The following ASIC2 variants were observed in gnomAD, a reference collection of about 807,000 sequenced individuals.
ASIC2 encodes acid-sensing ion channel 2.
In ASIC2, 25 loss-of-function variants were observed where a neutral mutation model predicts 57.3. That is an observed-to-expected ratio of 0.44 (90% confidence interval 0.32 to 0.61). The LOEUF (loss-of-function observed/expected upper bound fraction) is 0.61, where lower values mean the gene tolerates loss of function less well. Among genes scored for constraint, ASIC2 ranks in the 20% least tolerant of loss-of-function variants. The probability of loss-of-function intolerance (pLI) is 0.06; values close to 1 mark genes in which losing one functional copy is unlikely to be tolerated. For synonymous variants in ASIC2, 319 were observed against 307.5 expected (o/e 1.04, Z -0.39); for missense variants, 641 against 738.1 (o/e 0.87, Z 1.52).
chr17:33,079,073 C>T (rs1270514636), intron 3 of ASIC2, among the ~76,000 whole-genome samples: 1 of 152,114 alleles, frequency 6.6e-6, no homozygotes, highest in Non-Finnish European at 1.5e-5. Flanking sequence ...CTCAAGCAGG[C>T]TGTGACATGA....
At chr17:33,335,966 T>C (rs1907498928) in intron 1 of ASIC2, among the ~76,000 whole-genome samples, 1 of 151,976 alleles carries the variant, frequency 6.6e-6, no homozygotes, top group South Asian at 2.1e-4. Flanking sequence ...GATATTTGAG[T>C]CTCCATGCTT....
At chr17:33,541,026 T>C (rs1597775074) in intron 1 of ASIC2, among the ~76,000 whole-genome samples, 1 of 152,196 alleles carries the variant, frequency 6.6e-6, no homozygotes, top group Non-Finnish European at 1.5e-5. Context: ...CTGTGTCTTA[T>C]GTGGTTTACA....
intron 1 of ASIC2, among the ~76,000 whole-genome samples, chr17:34,092,907 G>A (rs1303972014): frequency 5.3e-5 from 8 of 151,922 alleles, no homozygotes; most frequent in South Asian, 4.2e-4. Flanking sequence ...ACAACATATC[G>A]AATTGTTTTG....
At chr17:33,540,590 T>C (rs1434550575) in intron 1 of ASIC2, among the ~76,000 whole-genome samples, 2 of 152,094 alleles carry the variant, frequency 1.3e-5, no homozygotes, top group African/African-American at 4.8e-5. Context: ...GAGTGACCCA[T>C]TTTCGCTGCC....
chr17:33,320,247 T>C (rs188623817), intron 1 of ASIC2, among the ~76,000 whole-genome samples: 32 of 152,346 alleles, frequency 2.1e-4, no homozygotes, highest in African/African-American at 6.7e-4. Context: ...AATTTTGAGG[T>C]ATTTTTTTAA....
chr17:33,710,413 G>A (rs1472428092), intron 1 of ASIC2, among the ~76,000 whole-genome samples: 1 of 152,202 alleles, frequency 6.6e-6, no homozygotes, highest in Non-Finnish European at 1.5e-5. Context: ...GGATAATGGA[G>A]GAAACAGGTC....
chr17:33,618,293 A>C (rs895478927), intron 1 of ASIC2, among the ~76,000 whole-genome samples: 22 of 151,810 alleles, frequency 1.4e-4, no homozygotes, highest in African/African-American at 5.1e-4. Context: ...GGCTCAAACT[A>C]TCCTCCTGCC....
intron 1 of ASIC2, among the ~76,000 whole-genome samples, chr17:33,266,020 G>A (rs373655464): frequency 1.6e-4 from 25 of 152,036 alleles, no homozygotes; most frequent in Admixed American, 5.9e-4. Flanking sequence ...CCTTGAACAC[G>A]TCCAGTTCCT....
intron 3 of ASIC2, among the ~76,000 whole-genome samples, chr17:33,081,035 G>T (rs776474035): frequency 5.9e-5 from 9 of 152,182 alleles, no homozygotes; most frequent in Non-Finnish European, 1.0e-4. Context: ...CTGCAAGGTA[G>T]TGGGGAGGTA....
chr17:33,164,591 C>CACAT (rs1300316554), intron 1 of ASIC2, among the ~76,000 whole-genome samples: 1 of 151,876 alleles, frequency 6.6e-6, no homozygotes, highest in Non-Finnish European at 1.5e-5. Context: ...CACACACACA[C>CACAT]ACACACACAC....
intron 1 of ASIC2, among the ~76,000 whole-genome samples, chr17:33,211,387 C>T (rs888094645): frequency 1.3e-5 from 2 of 152,064 alleles, no homozygotes; most frequent in Non-Finnish European, 2.9e-5. Context: ...ACTCAGGACT[C>T]CTCCCCTCCC....
chr17:33,531,026 TTTTA>T (rs1441230619), intron 1 of ASIC2, among the ~76,000 whole-genome samples: 4 of 151,812 alleles, frequency 2.6e-5, no homozygotes, highest in Admixed American at 6.6e-5. Context: ...ACTTAAAAAT[TTTTA>T]TTTATTAAAA....
At position 33,902,590 on chromosome 17, in the gene ASIC2, TC is replaced by T. The variant is rs1224307808; in HGVS notation, c.555+253387del. Among the ~76,000 whole-genome samples, 23 of 152,288 alleles carry T rather than the reference TC, an allele frequency of 1.5e-4. 1 individual carries two copies. The Middle Eastern group carries it at 0.014, about 90-fold the overall frequency. ...TATGGCTGGGCCCAGACATGAGCAT[TC>T]CATGCCGGCCGGGCTGGGGCAGGTT... On this transcript the variant is annotated intron_variant, in intron 1 of 9. Coordinates refer to the ASIC2 transcript ENST00000359872.
At chr17:33,276,224 T>TAATA (rs3083481) in intron 1 of ASIC2, among the ~76,000 whole-genome samples, 50,691 of 151,552 alleles carry the variant, frequency 0.33, 8,585 homozygotes, top group Admixed American at 0.41. Flanking sequence ...CACTAAATAA[T>TAATA]AATAAATAAA....
intron 1 of ASIC2, among the ~76,000 whole-genome samples, chr17:33,227,551 C>T (rs1429107658): frequency 6.6e-6 from 1 of 152,122 alleles, no homozygotes; most frequent in Admixed American, 6.5e-5. Flanking sequence ...AAGCCAAGGA[C>T]ACCTGGATGC....
chr17:33,387,345 C>G (rs1334287750), intron 1 of ASIC2, among the ~76,000 whole-genome samples: 3 of 152,236 alleles, frequency 2.0e-5, no homozygotes, highest in African/African-American at 7.2e-5. Flanking sequence ...CGGAACAAGC[C>G]AAGTGCTAAC....
intron 1 of ASIC2, among the ~76,000 whole-genome samples, chr17:33,474,749 T>C (rs4795797): frequency 0.81 from 123,943 of 152,182 alleles, 50,879 homozygotes; most frequent in African/African-American, 0.91. Context: ...CAGCCTCCTA[T>C]GGCAGAGGGC....
chr17:34,075,835 T>C (rs1909622707), intron 1 of ASIC2, among the ~76,000 whole-genome samples: 1 of 136,024 alleles, frequency 7.4e-6, no homozygotes, highest in Admixed American at 7.3e-5. Context: ...TTTTTTTTTT[T>C]TTTTTTTTTT....
At chr17:33,832,645 T>C (rs1248443336) in intron 1 of ASIC2, among the ~76,000 whole-genome samples, 1 of 152,266 alleles carries the variant, frequency 6.6e-6, no homozygotes, top group Non-Finnish European at 1.5e-5. Flanking sequence ...TTTACCGCTG[T>C]CACCTGTTAA....
Sources: gnomAD v4.1 joint callset for allele counts (sites outside exome capture counted in the v4.1 genomes callset) on GRCh38, gnomAD v4.1.1 for gene constraint, MANE v1.5 for transcripts, NCBI Gene and HGNC (gene_info 2026-07-23, HGNC 2026-07-21) for gene names.